Variants in ATP8A2 observed in about 807,000 individuals in gnomAD.
ATP8A2 encodes phospholipid-transporting ATPase IB.
In ATP8A2, 100 loss-of-function variants were observed where a neutral mutation model predicts 165.6. The ratio of observed to expected loss-of-function variants is 0.60; its 90% CI spans 0.51 to 0.71. The LOEUF (loss-of-function observed/expected upper bound fraction) is 0.71, where lower values mean the gene tolerates loss of function less well. Ranked by LOEUF, ATP8A2 falls within the 30% of genes least tolerant of loss-of-function variation. The pLI, the probability that ATP8A2 is intolerant of heterozygous loss-of-function variation, is 0.00. For missense variants in ATP8A2, 1,227 were observed against 1,479.5 expected, an observed-to-expected ratio of 0.83 and a Z score of 2.80; for synonymous variants, 543 against 548.8, an observed-to-expected ratio of 0.99 and a Z score of 0.15.
At chr13:25,739,606 T>TAA (rs950486250) in intron 25 of ATP8A2, among the ~76,000 whole-genome samples, 2 of 147,432 alleles carry the variant, frequency 1.4e-5, no homozygotes, top group East Asian at 2.0e-4. Context: ...GAAAGACAGT[T>TAA]AAAAAAAAAA....
At chr13:25,768,619 A>G (rs910566462) in intron 25 of ATP8A2, among the ~76,000 whole-genome samples, 36 of 152,172 alleles carry the variant, frequency 2.4e-4, no homozygotes, top group African/African-American at 8.2e-4. Context: ...TTTTACAGAA[A>G]ATTCCCTTGC....
At chr13:25,737,792 T>C (rs1457646363) in intron 25 of ATP8A2, among the ~76,000 whole-genome samples, 9 of 152,182 alleles carry the variant, frequency 5.9e-5, no homozygotes, top group Non-Finnish European at 1.3e-4. Flanking sequence ...ATGCCATTCT[T>C]CTGCCTCAGC....
intron 25 of ATP8A2, among the ~76,000 whole-genome samples, chr13:25,731,974 C>G (rs1027622164): frequency 1.3e-5 from 2 of 152,170 alleles, no homozygotes; most frequent in African/African-American, 4.8e-5. Flanking sequence ...CATAGGTGGG[C>G]AGTGTGTCCT....
chr13:25,503,300 A>T (rs2036915596), intron 2 of ATP8A2, among the ~76,000 whole-genome samples: 1 of 152,196 alleles, frequency 6.6e-6, no homozygotes, highest in South Asian at 2.1e-4. Flanking sequence ...TCAATGACAT[A>T]CGCAAACAGA....
intron 1 of ATP8A2, among the ~76,000 whole-genome samples, chr13:25,374,393 C>T (rs138771232): frequency 1.4e-4 from 22 of 152,234 alleles, no homozygotes; most frequent in South Asian, 8.3e-4. Flanking sequence ...ACAGCAAGTC[C>T]GGAAAACTCT....
intron 24 of ATP8A2, among the ~76,000 whole-genome samples, chr13:25,687,607 C>T (rs945784614): frequency 6.6e-6 from 1 of 152,196 alleles, no homozygotes; most frequent in African/African-American, 2.4e-5. Flanking sequence ...TTCTGATCTG[C>T]GGTCACTTGG....
At chr13:25,563,900 G>A in intron 15 of ATP8A2, 56 bp from the exon 16 acceptor site, 4 of 1,268,548 alleles carry the variant, frequency 3.2e-6, no homozygotes, top group Non-Finnish European at 4.6e-6. Context: ...TCCAGGTTTG[G>A]GTTAGCTTAA....
intron 33 of ATP8A2, among the ~76,000 whole-genome samples, chr13:25,913,003 T>C (rs1226129536): frequency 3.3e-5 from 5 of 152,222 alleles, no homozygotes; most frequent in African/African-American, 7.2e-5. Context: ...AGCAAGTTAC[T>C]ATCATCCCTA....
intron 27 of ATP8A2, among the ~76,000 whole-genome samples, chr13:25,794,468 A>G (rs1020406261): frequency 1.3e-5 from 2 of 152,168 alleles, no homozygotes; most frequent in Non-Finnish European, 2.9e-5. Context: ...CTTATTTGAC[A>G]TTCTGAAAAA....
At chr13:25,406,291 G>A (rs1159676884) in intron 1 of ATP8A2, among the ~76,000 whole-genome samples, 2 of 152,222 alleles carry the variant, frequency 1.3e-5, no homozygotes, top group Non-Finnish European at 2.9e-5. Context: ...ACAGACTATA[G>A]GGGACTGGTG....
intron 10 of ATP8A2, among the ~76,000 whole-genome samples, chr13:25,544,125 C>A (rs2038568708): frequency 6.6e-6 from 1 of 152,198 alleles, no homozygotes; most frequent in Non-Finnish European, 1.5e-5. Context: ...TATTTAGTGA[C>A]CACGTACCAA....
intron 27 of ATP8A2, among the ~76,000 whole-genome samples, chr13:25,781,374 A>T (rs1368220064): frequency 6.6e-6 from 1 of 152,206 alleles, no homozygotes. Context: ...TTTTGCAAAC[A>T]TATATTTCCT....
intron 24 of ATP8A2, among the ~76,000 whole-genome samples, chr13:25,665,231 A>G (rs867020597): frequency 2.0e-5 from 3 of 152,306 alleles, no homozygotes; most frequent in African/African-American, 7.2e-5. Flanking sequence ...TAACCAGTTG[A>G]TAGGATTATA....
At chr13:25,895,995 C>T (rs1046398466) in intron 33 of ATP8A2, among the ~76,000 whole-genome samples, 1 of 152,150 alleles carries the variant, frequency 6.6e-6, no homozygotes, top group African/African-American at 2.4e-5. Flanking sequence ...CTCCTGGATT[C>T]ATTGATTTTT....
chr13:25,966,895 C>T (rs1955788955), intron 34 of ATP8A2, among the ~76,000 whole-genome samples: 1 of 152,146 alleles, frequency 6.6e-6, no homozygotes, highest in Non-Finnish European at 1.5e-5. Context: ...TACCCCTGTG[C>T]AGGGGAAAGG....
At chr13:25,809,936 G>A (rs1379878201) in intron 27 of ATP8A2, among the ~76,000 whole-genome samples, 2 of 152,152 alleles carry the variant, frequency 1.3e-5, no homozygotes, top group Admixed American at 6.5e-5. Context: ...GTGTCAAGTC[G>A]TAATTAATGT....
chr13:25,756,307 G>T (rs2044260030), intron 25 of ATP8A2, among the ~76,000 whole-genome samples: 1 of 149,834 alleles, frequency 6.7e-6, no homozygotes, highest in Non-Finnish European at 1.5e-5. Flanking sequence ...TGAATTGGAG[G>T]ATTAGGTAAC....
At chr13:25,507,317 G>A (rs2037080097) in intron 2 of ATP8A2, among the ~76,000 whole-genome samples, 1 of 151,562 alleles carries the variant, frequency 6.6e-6, no homozygotes, top group Admixed American at 6.6e-5. Context: ...CCAGGCTGGA[G>A]TGTAGTGGTG....
chr13:25,981,257 G>A (rs1215324562), intron 35 of ATP8A2, among the ~76,000 whole-genome samples: 1 of 151,804 alleles, frequency 6.6e-6, no homozygotes, highest in Non-Finnish European at 1.5e-5. Flanking sequence ...ATACAAAGAA[G>A]GAACCAACAG....
Sources: allele counts gnomAD v4.1 joint callset (sites outside exome capture counted in the v4.1 genomes callset), GRCh38; gene constraint gnomAD v4.1.1; transcripts MANE v1.5; gene names NCBI Gene and HGNC (gene_info 2026-07-23, HGNC 2026-07-21).